CHN2: variants seen among roughly 807,000 people sequenced by gnomAD.
The protein encoded by CHN2 is beta-chimaerin.
A neutral mutation model predicts 56.3 loss-of-function variants in CHN2; 35 were observed. That is an observed-to-expected ratio of 0.62 (90% CI 0.47 to 0.82). CHN2 has a LOEUF of 0.82. CHN2 is among the 40% of genes least tolerant of loss of function. The probability of loss-of-function intolerance (pLI) is 0.00; values close to 1 mark genes in which losing one functional copy is unlikely to be tolerated. For missense variants in CHN2, 491 were observed against 580.5 expected (o/e 0.85, Z 1.58); for synonymous variants, 210 against 212.8 (o/e 0.99, Z 0.12).
At chr7:29,223,584 A>G (rs1295412319) in intron 1 of CHN2, among the ~76,000 whole-genome samples, 5 of 152,136 alleles carry the variant, frequency 3.3e-5, no homozygotes, top group African/African-American at 4.8e-5. Context: ...TTATCTATAT[A>G]TTATGTCTAC....
At chr7:29,339,336 TCTC>T (rs199575737) in intron 1 of CHN2, among the ~76,000 whole-genome samples, 2,048 of 152,152 alleles carry the variant, frequency 0.013, 22 homozygotes, top group Non-Finnish European at 0.019. Context: ...GCCACCCAGA[TCTC>T]CTCTGCAGAC....
At chr7:29,213,885 C>T (rs1160157615) in intron 1 of CHN2, among the ~76,000 whole-genome samples, 11 of 148,032 alleles carry the variant, frequency 7.4e-5, no homozygotes, top group Non-Finnish European at 1.7e-4. Flanking sequence ...ACAGCTTAAA[C>T]ATTAAAAAAA....
intron 1 of CHN2, among the ~76,000 whole-genome samples, chr7:29,331,771 A>C (rs1562523484): frequency 1.3e-5 from 2 of 152,150 alleles, no homozygotes; most frequent in Non-Finnish European, 2.9e-5. Context: ...CCTAAGAAAT[A>C]CAATTTGGGG....
intron 2 of CHN2, among the ~76,000 whole-genome samples, chr7:29,181,783 C>CT (rs1798087329): frequency 6.6e-6 from 1 of 152,098 alleles, no homozygotes. Flanking sequence ...TCCTAACAAA[C>CT]TTTTTTTCCA....
chr7:29,191,439 G>A (rs536816807), upstream of CHN2: 40 of 152,322 alleles, frequency 2.6e-4, no homozygotes, highest in African/African-American at 8.9e-4. Flanking sequence ...ATGGGAAGCA[G>A]GAAGGAATGG....
At chr7:29,430,022 T>G (rs1209797065) in intron 6 of CHN2, among the ~76,000 whole-genome samples, 3 of 152,178 alleles carry the variant, frequency 2.0e-5, no homozygotes, top group Admixed American at 2.0e-4. Flanking sequence ...ATGCTCCCCT[T>G]TAGGAGGCCA....
intron 1 of CHN2, among the ~76,000 whole-genome samples, chr7:29,231,849 A>T (rs1402324483): frequency 1.3e-5 from 2 of 152,202 alleles, no homozygotes; most frequent in African/African-American, 4.8e-5. Context: ...TTATCATCAC[A>T]TGTGATCATG....
intron 1 of CHN2, among the ~76,000 whole-genome samples, chr7:29,219,860 C>T (rs187012437): frequency 3.9e-5 from 6 of 152,094 alleles, no homozygotes; most frequent in South Asian, 2.1e-4. Context: ...CGGATCACCA[C>T]GTCAGGAGAT....
chr7:29,242,536 G>A (rs970542240), intron 1 of CHN2, among the ~76,000 whole-genome samples: 16 of 151,768 alleles, frequency 1.1e-4, no homozygotes, highest in Admixed American at 9.2e-4. Flanking sequence ...AGTTTTTTAC[G>A]CATTTTTTTT....
intron 6 of CHN2, among the ~76,000 whole-genome samples, chr7:29,420,747 A>AACTGT (rs1804252447): frequency 6.6e-6 from 1 of 152,206 alleles, no homozygotes; most frequent in African/African-American, 2.4e-5. Context: ...AACATTACTG[A>AACTGT]ACTGTACACT....
intron 3 of CHN2, among the ~76,000 whole-genome samples, chr7:29,369,588 G>T (rs952913847): frequency 6.6e-6 from 1 of 152,152 alleles, no homozygotes; most frequent in African/African-American, 2.4e-5. Flanking sequence ...GCGTGTGAAA[G>T]AGACAGAAAA....
At position 29,439,679 on chromosome 7, in the gene CHN2, T is replaced by G. The variant is rs556307447; in HGVS notation, c.576+38851T>G. 2.6e-5 allele frequency among the ~76,000 whole-genome samples: 4 copies of G among 152,308 alleles called. No individual in the cohort carries two copies. The South Asian group carries it at 8.3e-4, about 32-fold the overall frequency. ...TCAGTAGATGAGTGAGGTTCCTGTG[T>G]CTCTTATTCACAGCTTTGAGCCTAT... is the stretch of plus-strand genomic sequence containing the variant. On this transcript the variant is annotated intron_variant, in intron 6 of 12. Coordinates refer to ENST00000222792, the MANE Select transcript of CHN2 (RefSeq NM_004067.4).
At chr7:29,512,453 T>TCTTGCAATTTCCTGAACCAG (rs1791588844) in intron 12 of CHN2, 111 bp from the exon 13 acceptor site, 1 of 918,406 alleles carries the variant, frequency 1.1e-6, no homozygotes, top group South Asian at 2.3e-5. Flanking sequence ...CCAATCTTTT[T>TCTTGCAATTTCCTGAACCAG]CTTGCAATTT....
intron 6 of CHN2, among the ~76,000 whole-genome samples, chr7:29,426,206 CAAAAA>C (rs10630481): frequency 2.4e-5 from 2 of 83,900 alleles, no homozygotes; most frequent in Non-Finnish European, 4.7e-5. Context: ...GACTCTGTCT[CAAAAA>C]AAAAAAAAAA....
intron 1 of CHN2, among the ~76,000 whole-genome samples, chr7:29,293,698 G>A (rs1792865658): frequency 6.6e-6 from 1 of 151,990 alleles, no homozygotes; most frequent in African/African-American, 2.4e-5. Flanking sequence ...CCGTCCCTCT[G>A]TCCATTCAAG....
chr7:29,279,410 G>C (rs1189470062), intron 1 of CHN2, among the ~76,000 whole-genome samples: 1 of 152,262 alleles, frequency 6.6e-6, no homozygotes, highest in Non-Finnish European at 1.5e-5. Context: ...TATGCACGAA[G>C]TGCCAAGTTA....
At chr7:29,341,193 C>T (rs1164844705) in intron 1 of CHN2, among the ~76,000 whole-genome samples, 4 of 152,174 alleles carry the variant, frequency 2.6e-5, no homozygotes, top group Non-Finnish European at 5.9e-5. Context: ...TCTCATCCTT[C>T]CCCTCTCTAG....
At chr7:29,471,750 G>A (rs1227664707) in intron 6 of CHN2, among the ~76,000 whole-genome samples, 2 of 152,122 alleles carry the variant, frequency 1.3e-5, no homozygotes, top group African/African-American at 4.8e-5. Flanking sequence ...CAGGTTTGGA[G>A]GTCAGCAGCA....
chr7:29,473,470 G>GT lies in CHN2; in HGVS notation c.577-6796dup, dbSNP rs765290417. Among the ~76,000 whole-genome samples the GT allele has an allele frequency of 6.1e-3, 574 of 93,496 alleles. 13 individuals are homozygous for GT. The highest frequency in any genetic ancestry group is 0.022 in the African/African-American group (416 of 19,092). The allele number at this position is 93,496 out of a possible 152,430, so 61.3% of individuals were successfully genotyped here. On this transcript the variant is annotated intron_variant, in intron 6 of 12. Transcript: ENST00000222792. The stretch of plus-strand genomic sequence containing the variant: ...GGGGTGTTTGTGTGTGTGTGTTTGT[G>GT]TTTTTTTTTTTTTGTGTGTGTGTGT...
Sources: allele counts gnomAD v4.1 joint callset (sites outside exome capture counted in the v4.1 genomes callset), GRCh38; gene constraint gnomAD v4.1.1; transcripts MANE v1.5; gene names NCBI Gene and HGNC (gene_info 2026-07-23, HGNC 2026-07-21).